FRMD5: variants seen among roughly 807,000 people sequenced by gnomAD.
FRMD5 encodes the protein FERM domain containing 5, also known as FERM domain-containing protein 5.
In FRMD5, 20 loss-of-function variants were observed where a neutral mutation model predicts 69.0. The ratio of observed to expected loss-of-function variants is 0.29; its 90% CI spans 0.20 to 0.42. The LOEUF is 0.42. FRMD5 is among the 10% of genes least tolerant of loss of function. The pLI is 1.00. For missense variants in FRMD5, 595 were observed against 708.6 expected (o/e 0.84, Z 1.82); for synonymous variants, 271 against 260.1 (o/e 1.04, Z -0.40).
intron 1 of FRMD5, among the ~76,000 whole-genome samples, chr15:44,021,503 C>T (rs545812671): frequency 6.6e-6 from 1 of 152,202 alleles, no homozygotes; most frequent in South Asian, 2.1e-4. Flanking sequence ...AGGGCTTGAA[C>T]ATTTTCCCAA....
At chr15:44,122,430 G>A (rs936622728) in intron 1 of FRMD5, among the ~76,000 whole-genome samples, 5 of 152,024 alleles carry the variant, frequency 3.3e-5, no homozygotes, top group Non-Finnish European at 7.4e-5. Context: ...GCCAGGCATG[G>A]TGGTGCATGC....
intron 1 of FRMD5, among the ~76,000 whole-genome samples, chr15:43,993,665 G>C (rs923457274): frequency 6.6e-6 from 1 of 152,148 alleles, no homozygotes; most frequent in Non-Finnish European, 1.5e-5. Context: ...AATGTCCATT[G>C]CTTAAAGTTG....
chr15:44,146,903 T>G (rs1160009691), intron 1 of FRMD5, among the ~76,000 whole-genome samples: 4 of 152,090 alleles, frequency 2.6e-5, no homozygotes, highest in African/African-American at 9.7e-5. Flanking sequence ...TAGACCTTTG[T>G]CAGATTACAA....
Position 44,034,572 on chromosome 15 carries a change from C to T in FRMD5, c.103-110263G>A, listed in dbSNP as rs149482085. ...AAATAAGCACATATTCCCTTTCATA[C>T]TCCTTTGGGAGTTAATGGGGTTATG... is the stretch of plus-strand genomic sequence containing the variant. On this transcript the variant is annotated intron_variant, in intron 1 of 13. Transcript: ENST00000417257. Among the ~76,000 whole-genome samples the T allele has an allele frequency of 6.5e-3, 984 of 152,314 alleles. 12 individuals carry two copies. The highest frequency in any genetic ancestry group is 0.022 in the African/African-American group (934 of 41,548).
At chr15:43,892,220 G>A in intron 7 of FRMD5, 151 bp from the exon 8 acceptor site, 1 of 718,226 alleles carries the variant, frequency 1.4e-6, no homozygotes, top group Non-Finnish European at 2.4e-6. Flanking sequence ...ACCATAGTTT[G>A]AGTCTCAGCC....
At chr15:43,908,395 G>A (rs1366320734) in intron 5 of FRMD5, among the ~76,000 whole-genome samples, 1 of 151,998 alleles carries the variant, frequency 6.6e-6, no homozygotes, top group African/African-American at 2.4e-5. Flanking sequence ...TCTCCATGTA[G>A]GTGATTTTAA....
chr15:44,009,765 G>A (rs1890628373), intron 1 of FRMD5, among the ~76,000 whole-genome samples: 1 of 152,184 alleles, frequency 6.6e-6, no homozygotes, highest in Admixed American at 6.5e-5. Flanking sequence ...GTACTAAGAG[G>A]AAAGGCCCAG....
At chr15:44,132,028 C>G (rs899273898) in intron 1 of FRMD5, among the ~76,000 whole-genome samples, 2 of 152,080 alleles carry the variant, frequency 1.3e-5, no homozygotes, top group African/African-American at 4.8e-5. Context: ...TTTTTTCATA[C>G]AACTAGATGG....
chr15:44,159,610 C>T (rs182225704), intron 1 of FRMD5, among the ~76,000 whole-genome samples: 82 of 152,222 alleles, frequency 5.4e-4, no homozygotes, highest in African/African-American at 1.9e-3. Flanking sequence ...AGCAATCAAG[C>T]AGATGACACT....
intron 1 of FRMD5, among the ~76,000 whole-genome samples, chr15:43,974,784 C>A (rs1179620242): frequency 6.6e-6 from 1 of 152,188 alleles, no homozygotes; most frequent in Admixed American, 6.5e-5. Context: ...TACTTTGTAG[C>A]CAACAGAAAT....
intron 1 of FRMD5, among the ~76,000 whole-genome samples, chr15:44,065,671 A>G (rs531615678): frequency 2.4e-4 from 37 of 152,316 alleles, no homozygotes; most frequent in African/African-American, 8.9e-4. Flanking sequence ...CCATCCTTAA[A>G]GAGCCAGCTG....
intron 1 of FRMD5, chr15:43,988,942 G>GCC: frequency 1.7e-6 from 1 of 572,382 alleles, no homozygotes; most frequent in Non-Finnish European, 3.3e-6. Flanking sequence ...TAAATCCTGA[G>GCC]TCGAGCCAAA....
chr15:43,902,387 T>C (rs749430329), intron 6 of FRMD5, 125 bp from the exon 7 acceptor site: 28 of 804,064 alleles, frequency 3.5e-5, no homozygotes, highest in Non-Finnish European at 5.5e-5. Context: ...GTGTGCTCCC[T>C]GCTTGGTTCT....
intron 1 of FRMD5, among the ~76,000 whole-genome samples, chr15:44,163,043 G>A (rs191266731): frequency 6.6e-6 from 1 of 152,042 alleles, no homozygotes; most frequent in Non-Finnish European, 1.5e-5. Context: ...GCGTGGTGGC[G>A]GGCGCCTATA....
chr15:44,064,609 A>C (rs1223700959), intron 1 of FRMD5, among the ~76,000 whole-genome samples: 7 of 152,116 alleles, frequency 4.6e-5, no homozygotes, highest in Non-Finnish European at 1.0e-4. Flanking sequence ...AACAAAACAA[A>C]ACACATTGCC....
At chr15:44,035,554 C>T (rs1891870024) in intron 1 of FRMD5, among the ~76,000 whole-genome samples, 1 of 152,116 alleles carries the variant, frequency 6.6e-6, no homozygotes, top group Admixed American at 6.6e-5. Context: ...CATCAAAATC[C>T]GTTTTACCTC....
chr15:44,065,029 T>C (rs1164259981), intron 1 of FRMD5, among the ~76,000 whole-genome samples: 1 of 152,218 alleles, frequency 6.6e-6, no homozygotes, highest in East Asian at 1.9e-4. Context: ...GTGTAGCGGT[T>C]AAGAGCACAG....
chr15:43,968,364 T>C (rs1255832676), intron 1 of FRMD5, among the ~76,000 whole-genome samples: 1 of 152,202 alleles, frequency 6.6e-6, no homozygotes, highest in Admixed American at 6.5e-5. Context: ...AAAGCTGAGG[T>C]AGATGTATGC....
intron 1 of FRMD5, among the ~76,000 whole-genome samples, chr15:43,963,399 A>G (rs1403694562): frequency 1.3e-5 from 2 of 152,202 alleles, no homozygotes; most frequent in Non-Finnish European, 2.9e-5. Flanking sequence ...TTAAAAAGTC[A>G]GGAAACAACA....
Sources: allele counts gnomAD v4.1 joint callset (sites outside exome capture counted in the v4.1 genomes callset), GRCh38; gene constraint gnomAD v4.1.1; transcripts MANE v1.5; gene names NCBI Gene and HGNC (gene_info 2026-07-23, HGNC 2026-07-21).